Variants in FBXW2 observed in about 807,000 individuals in gnomAD.
The protein encoded by FBXW2 is F-box and WD repeat domain containing 2, also known as F-box/WD repeat-containing protein 2.
In FBXW2, 12 loss-of-function variants were observed where a neutral mutation model predicts 46.0. The observed-to-expected ratio is 0.26, with a 90% CI of 0.17 to 0.42. The LOEUF (loss-of-function observed/expected upper bound fraction) is 0.42, where lower values mean the gene tolerates loss of function less well. Ranked by LOEUF, FBXW2 falls within the 10% of genes least tolerant of loss-of-function variation. FBXW2 has a pLI of 1.00. For missense variants in FBXW2, 360 were observed against 537.0 expected, an observed-to-expected ratio of 0.67 and a Z score of 3.26; for synonymous variants, 203 against 209.6, an observed-to-expected ratio of 0.97 and a Z score of 0.27.
Position 120,778,525 on chromosome 9 carries a change from T to C in FBXW2, c.511A>G (p.Lys171Glu). 1 of 1,613,994 alleles carries C rather than the reference T, an allele frequency of 6.2e-7. No homozygotes were observed. ...LCTGSDDLSA[K>E]LWDVSTGQCV... Reference sequence around the variant, plus strand: ...TGCCCTGTGCTCACATCCCACAGCTTTGCAGACAAGTCATCTGACCCTTCA... The same window carrying C: ...TGCCCTGTGCTCACATCCCACAGCTCTGCAGACAAGTCATCTGACCCTTCA... Residue 171 changes from lysine to glutamate, a missense_variant, in exon 4 of 8, where the codon AAG (lysine) becomes GAG (glutamate). Coordinates refer to ENST00000608872, the MANE Select transcript of FBXW2 (RefSeq NM_012164.4).
intron 3 of FBXW2, 77 bp downstream of exon 3, chr9:120,787,692 A>C (rs1247750439): frequency 6.8e-7 from 1 of 1,462,924 alleles, no homozygotes; most frequent in African/African-American, 1.4e-5. Flanking sequence ...TGTCATTCTC[A>C]AAGCTCAAGA....
intron 7 of FBXW2, among the ~76,000 whole-genome samples, chr9:120,768,874 A>T (rs932741935): frequency 3.3e-5 from 5 of 152,150 alleles, no homozygotes; most frequent in Admixed American, 2.0e-4. Context: ...AAACAGCTAG[A>T]AAGTCTGGTA....
Position 120,783,549 on chromosome 9 carries a change from C to T in FBXW2, c.490+4220G>A, listed in dbSNP as rs150925186. On this transcript the variant is annotated intron_variant, in intron 3 of 7. Coordinates refer to ENST00000608872, the MANE Select transcript of FBXW2 (RefSeq NM_012164.4). Reference sequence around the variant, plus strand: ...TAACAACTCTGACCCTGAATCCCACCCACATGGCAATAATTTATTACAATG... The same window carrying T: ...TAACAACTCTGACCCTGAATCCCACTCACATGGCAATAATTTATTACAATG... Among the ~76,000 whole-genome samples, 435 of 152,264 alleles carry T rather than the reference C, an allele frequency of 2.9e-3. 3 individuals carry two copies. Among genetic ancestry groups the T allele is most frequent in the Middle Eastern group, 0.01 (3 of 294 alleles).
rs374426652 is a variant in FBXW2, at chr9:120,779,422, C to CTAAA, written c.491-881_491-878dup. On this transcript the variant is annotated intron_variant, in intron 3 of 7. Coordinates refer to ENST00000608872, the MANE Select transcript of FBXW2 (RefSeq NM_012164.4). ...ACCAGTTTTTAAAAAGCTGAAATGA[C>CTAAA]TAAAGCCAGCCACAATTCTACCTTC... 4.7e-3 allele frequency among the ~76,000 whole-genome samples: 717 copies of CTAAA among 152,324 alleles called. 9 individuals carry two copies. Among genetic ancestry groups the CTAAA allele is most frequent in the African/African-American group, 0.016 (684 of 41,564 alleles).
chr9:120,768,278 G>C (rs1002300019), intron 7 of FBXW2, among the ~76,000 whole-genome samples: 13 of 152,234 alleles, frequency 8.5e-5, no homozygotes, highest in Admixed American at 4.6e-4. Flanking sequence ...ACTAGGCAGG[G>C]CCTCAAAGTA....
At chr9:120,780,530 A>G (rs2044588788) in intron 3 of FBXW2, among the ~76,000 whole-genome samples, 1 of 152,214 alleles carries the variant, frequency 6.6e-6, no homozygotes, top group Admixed American at 6.5e-5. Context: ...CCACAGCTCA[A>G]GTACTCAAAA....
intron 3 of FBXW2, among the ~76,000 whole-genome samples, chr9:120,786,593 TTGATA>T (rs1247955534): frequency 3.3e-5 from 5 of 152,194 alleles, no homozygotes; most frequent in Non-Finnish European, 7.3e-5. Context: ...ATAATGACTA[TTGATA>T]TATTTACAAA....
At position 120,793,025 on chromosome 9, in the gene FBXW2, TGGAGGCAGTA is replaced by T. The variant is rs2044884943; in HGVS notation, c.-21+114_-21+123del. 3.6e-5 allele frequency: 52 copies of T among 1,426,008 alleles called. 1 individual carries two copies. In the South Asian group the frequency reaches 4.7e-4, roughly 13 times the overall value. The allele number at this position is 1,426,008 out of a possible 1,614,324, so 88.3% of individuals were successfully genotyped here. A position where few individuals can be genotyped will look rare whatever the true frequency, so the allele number is the denominator to read the frequency against. On this transcript the variant is annotated intron_variant, in intron 2 of 7. Coordinates refer to ENST00000608872, the MANE Select transcript of FBXW2 (RefSeq NM_012164.4). ...TTAACTCATTTCGCAGCTAAGGAAA[TGGAGGCAGTA>T]GGAGGCAGTAACTCCAAAACCCTGT...
At chr9:120,767,125 T>TA (rs2044289722) in intron 7 of FBXW2, among the ~76,000 whole-genome samples, 1 of 152,164 alleles carries the variant, frequency 6.6e-6, no homozygotes, top group East Asian at 1.9e-4. Context: ...AACTGGGCAA[T>TA]ATAGATAGAA....
intron 3 of FBXW2, among the ~76,000 whole-genome samples, chr9:120,785,968 G>A (rs1211400968): frequency 7.3e-6 from 1 of 136,222 alleles, no homozygotes; most frequent in African/African-American, 2.8e-5. Flanking sequence ...GCAGTGAGCC[G>A]AGATTGCACC....
intron 3 of FBXW2, among the ~76,000 whole-genome samples, chr9:120,781,012 C>A (rs1482195818): frequency 6.7e-6 from 1 of 150,076 alleles, no homozygotes; most frequent in African/African-American, 2.5e-5. Flanking sequence ...TGGTATAGGA[C>A]TGTTTCAAGA....
chr9:120,757,354 A>G lies in FBXW2; in HGVS notation c.*7205T>C, dbSNP rs1429388198. On this transcript the variant is annotated 3_prime_UTR_variant, in exon 8 of 8. Transcript: ENST00000608872. ...ATGCACTCTTCTGTACCTGTAACAG[A>G]AAATACTAAGAAAAAATTCCACTGC... 3.3e-5 allele frequency: 5 copies of G among 152,220 alleles called. No individual in the cohort carries two copies. Among genetic ancestry groups the G allele is most frequent in the African/African-American group, 1.2e-4 (5 of 41,452 alleles). The allele number at this position is 152,220 out of a possible 1,614,324, so 9.4% of individuals were successfully genotyped here.
chr9:120,791,873 C>A (rs1161543038), intron 2 of FBXW2, among the ~76,000 whole-genome samples: 2 of 152,162 alleles, frequency 1.3e-5, no homozygotes, highest in East Asian at 1.9e-4. Context: ...TGCCCTCTTG[C>A]CTTCAGTATC....
chr9:120,777,983 C>A (rs1003917248), intron 4 of FBXW2, among the ~76,000 whole-genome samples: 19 of 151,646 alleles, frequency 1.3e-4, no homozygotes, highest in African/African-American at 7.3e-5. Flanking sequence ...GGAATTTACA[C>A]AAGTAGGATT....
At chr9:120,787,657 G>T in intron 3 of FBXW2, 112 bp downstream of exon 3, 1 of 1,175,628 alleles carries the variant, frequency 8.5e-7, no homozygotes, top group Non-Finnish European at 1.2e-6. Flanking sequence ...AAAAGTCACT[G>T]TACATATCTC....
Position 120,763,924 on chromosome 9 carries a change from C to A in FBXW2, c.*635G>T, listed in dbSNP as rs1448314826. On this transcript the variant is annotated 3_prime_UTR_variant, in exon 8 of 8. Coordinates refer to ENST00000608872, the MANE Select transcript of FBXW2 (RefSeq NM_012164.4). ...CAAAAACTACAGAACTCGCTCACAT[C>A]TTAAACATGGCCAACCTTGACTCTG... 3 of 152,686 alleles carry A rather than the reference C, an allele frequency of 2.0e-5. No homozygotes were observed. The highest frequency in any genetic ancestry group is 4.4e-5 in the Non-Finnish European group (3 of 68,358). The allele number at this position is 152,686 out of a possible 1,614,324, so 9.5% of individuals were successfully genotyped here.
chr9:120,788,875 G>T (rs1311694460), intron 2 of FBXW2, among the ~76,000 whole-genome samples: 2 of 152,114 alleles, frequency 1.3e-5, no homozygotes, highest in African/African-American at 2.4e-5. Flanking sequence ...AGCAGGTGTG[G>T]TAAGTTATCT....
In FBXW2 at chr9:120,776,230, G is replaced by A; in HGVS notation, c.686-4C>T. On this transcript the variant is annotated splice_region_variant and splice_polypyrimidine_tract_variant and intron_variant, in intron 4 of 7. Transcript: ENST00000608872. ...TCATTGTAGTCCACGCTAAATACTA[G>A]TGCATATAATTACACAAAGTTAAAA... is the stretch of plus-strand genomic sequence containing the variant. The A allele has an allele frequency of 6.2e-7, 1 of 1,612,530 alleles. No individual in the cohort carries two copies. Among genetic ancestry groups the A allele is most frequent in the Non-Finnish European group, 8.5e-7 (1 of 1,179,392 alleles).
intron 7 of FBXW2, 49 bp from the exon 8 acceptor site, chr9:120,764,896 GT>G: frequency 7.2e-7 from 1 of 1,395,196 alleles, no homozygotes; most frequent in Non-Finnish European, 9.7e-7. Flanking sequence ...CCTTGCTTCT[GT>G]TTATGCTACT....
Sources: gnomAD v4.1 joint callset for allele counts (sites outside exome capture counted in the v4.1 genomes callset) on GRCh38, gnomAD v4.1.1 for gene constraint, MANE v1.5 for transcripts, NCBI Gene and HGNC (gene_info 2026-07-23, HGNC 2026-07-21) for gene names.